The following CYP11A1 variants were observed in gnomAD, a reference collection of about 807,000 sequenced individuals.
CYP11A1 encodes the protein cholesterol side-chain cleavage enzyme, mitochondrial.
In CYP11A1, 25 loss-of-function variants were observed where a neutral mutation model predicts 51.9. That is an observed-to-expected ratio of 0.48 (90% CI 0.35 to 0.67). The LOEUF (loss-of-function observed/expected upper bound fraction) is 0.67. Among genes scored for constraint, CYP11A1 ranks in the 30% least tolerant of loss-of-function variants. The pLI is 0.00. For missense variants in CYP11A1, 578 were observed against 680.9 expected, an observed-to-expected ratio of 0.85 and a Z score of 1.68; for synonymous variants, 245 against 262.1, an observed-to-expected ratio of 0.93 and a Z score of 0.63.
intron 5 of CYP11A1, 84 bp downstream of exon 5, chr15:74,342,893 G>A: frequency 3.5e-6 from 5 of 1,427,482 alleles, no homozygotes; most frequent in Non-Finnish European, 4.9e-6. Context: ...TTGAACAACA[G>A]GGTTTCAGAC....
intron 1 of CYP11A1, among the ~76,000 whole-genome samples, chr15:74,348,775 C>T (rs997376394): frequency 3.9e-5 from 6 of 152,316 alleles, no homozygotes; most frequent in African/African-American, 1.2e-4. Context: ...CTCTGTTACC[C>T]AGGCTGGAGT....
At chr15:74,339,823 C>T in intron 5 of CYP11A1, 70 bp from the exon 6 acceptor site, 2 of 1,476,232 alleles carry the variant, frequency 1.4e-6, no homozygotes, top group Non-Finnish European at 1.9e-6. Flanking sequence ...GGTCCTTGAC[C>T]CCATGGTAAA....
In CYP11A1 at chr15:74,361,414, A is replaced by G; in HGVS notation, c.269+5903T>C. On this transcript the variant is annotated intron_variant, in intron 1 of 8. Coordinates refer to ENST00000268053, the MANE Select transcript of CYP11A1 (RefSeq NM_000781.3). Reference sequence around the variant, plus strand: ...TAAAGCTACTAACCCACGTAAAACAACAACAACAAAAAATTAATTACATAT... The same window carrying G: ...TAAAGCTACTAACCCACGTAAAACAGCAACAACAAAAAATTAATTACATAT... 3 of 315,102 alleles carry G rather than the reference A, an allele frequency of 9.5e-6. No homozygotes were observed. The South Asian group carries it at 1.1e-4, about 12-fold the overall frequency. 19.5% of individuals were successfully genotyped at this position (315,102 alleles called of 1,614,324 possible). A position where few individuals can be genotyped will look rare whatever the true frequency, so the allele number is the denominator to read the frequency against.
chr15:74,365,463 G>C (rs2060728021), intron 1 of CYP11A1: 1 of 160,628 alleles, frequency 6.2e-6, no homozygotes, highest in Admixed American at 6.5e-5. Flanking sequence ...CTGAGCCTCA[G>C]TCTCCTCCTC....
At chr15:74,351,926 T>C (rs1049590062) in intron 1 of CYP11A1, among the ~76,000 whole-genome samples, 3 of 152,216 alleles carry the variant, frequency 2.0e-5, no homozygotes, top group East Asian at 1.9e-4. Context: ...ACAGCCTTCA[T>C]TGGATTATCT....
At chr15:74,343,187 G>A (rs765022789) in intron 4 of CYP11A1, 50 bp from the exon 5 acceptor site, 1 of 1,599,566 alleles carries the variant, frequency 6.3e-7, no homozygotes, top group Non-Finnish European at 8.5e-7. Context: ...GCAGGCGGGT[G>A]GGAAGGAGGG....
chr15:74,345,390 G>C lies in CYP11A1; in HGVS notation c.426-147C>G. On this transcript the variant is annotated intron_variant, in intron 2 of 8. Transcript: ENST00000268053. This position sits in a 1 kb window ranked among gnomAD's most constrained non-coding sequence, Gnocchi z 4.3. ...CCAGGGCCTCTGCCCTCACCTCTCC[G>C]AGCACCCTCTGCCTCTCACCTCCTC... 1.3e-6 allele frequency: 1 copy of C among 783,380 alleles called. No individual in the cohort carries two copies. Among genetic ancestry groups the C allele is most frequent in the South Asian group, 1.5e-5 (1 of 64,852 alleles). 48.5% of individuals were successfully genotyped at this position (783,380 alleles called of 1,614,324 possible). A position where few individuals can be genotyped will look rare whatever the true frequency, so the allele number is the denominator to read the frequency against.
chr15:74,365,666 G>A, intron 1 of CYP11A1: 1 of 985,270 alleles, frequency 1.0e-6, no homozygotes, highest in Non-Finnish European at 1.2e-6. Flanking sequence ...TCCCAGGCCT[G>A]GAAGAAGATC....
At chr15:74,338,302 C>A in intron 8 of CYP11A1, 199 bp from the exon 9 acceptor site, 1 of 722,698 alleles carries the variant, frequency 1.4e-6, no homozygotes, top group Non-Finnish European at 2.4e-6. Flanking sequence ...AGGCCTAGAC[C>A]TTAACTTGTC....
At chr15:74,344,096 C>A (rs1336497432) in intron 3 of CYP11A1, 104 bp from the exon 4 acceptor site, 2 of 903,044 alleles carry the variant, frequency 2.2e-6, no homozygotes, top group East Asian at 2.5e-5. Context: ...CACAAAGGAT[C>A]TCTTGCCCCT....
At position 74,338,662 on chromosome 15, in the gene CYP11A1, G is replaced by T. The variant is rs778230506; in HGVS notation, c.1343C>A (p.Thr448Asn). ...GCCAAAGCCCAAGTTCCGGAAGTAGGTGATGTTCTTGTCTTTGCTCAGCCA... is the reference window on the plus strand; with the variant it reads ...GCCAAAGCCCAAGTTCCGGAAGTAGTTGATGTTCTTGTCTTTGCTCAGCCA... ...TRWLSKDKNITYFRNLGFGWG... is the reference protein window; with the variant it reads ...TRWLSKDKNINYFRNLGFGWG... Residue 448 changes from threonine to asparagine, a missense_variant, in exon 8 of 9, where the codon ACC (threonine) becomes AAC (asparagine). Transcript: ENST00000268053. The T allele has an allele frequency of 2.6e-4, 423 of 1,614,068 alleles. No homozygotes were observed. Among genetic ancestry groups the T allele is most frequent in the Non-Finnish European group, 3.4e-4 (401 of 1,180,020 alleles).
chr15:74,356,846 C>T (rs1489106833), intron 1 of CYP11A1, among the ~76,000 whole-genome samples: 3 of 152,130 alleles, frequency 2.0e-5, no homozygotes, highest in Non-Finnish European at 2.9e-5. Flanking sequence ...CTACTCCCTC[C>T]TTGGTGACTG....
At chr15:74,365,899 C>G (rs1337005840) in intron 1 of CYP11A1, 17 of 985,678 alleles carry the variant, frequency 1.7e-5, no homozygotes, top group Non-Finnish European at 2.0e-5. Context: ...AGCCAGTGCT[C>G]CAGCGCCCCC....
rs372603375 is a variant in CYP11A1 at position 74,339,319 on chromosome 15, C to T, written c.1158-4G>A. 6.7e-5 allele frequency: 108 copies of T among 1,613,726 alleles called. No homozygotes were observed. In the African/African-American group the frequency reaches 8.0e-4, roughly 12 times the overall value. On this transcript the variant is annotated splice_region_variant and splice_polypyrimidine_tract_variant and intron_variant, in intron 6 of 8. Coordinates refer to ENST00000268053, the MANE Select transcript of CYP11A1 (RefSeq NM_000781.3). ...GGTCACGGAGATGGGGTGAAGTCTGCGGGAGGAGGGCACTCAGAAGCTGAT... is the reference window on the plus strand; with the variant it reads ...GGTCACGGAGATGGGGTGAAGTCTGTGGGAGGAGGGCACTCAGAAGCTGAT...
At chr15:74,354,354 A>T (rs1473186384) in intron 1 of CYP11A1, 1 of 148,138 alleles carries the variant, frequency 6.8e-6, no homozygotes, top group East Asian at 2.0e-4. Flanking sequence ...CACCCCTGCC[A>T]GCCAAAAAAC....
chr15:74,342,099 T>C (rs966581915), intron 5 of CYP11A1, among the ~76,000 whole-genome samples: 1 of 152,200 alleles, frequency 6.6e-6, no homozygotes, highest in Non-Finnish European at 1.5e-5. Flanking sequence ...TGTATTCCTT[T>C]TGAGATGGAG....
At position 74,356,116 on chromosome 15, in the gene CYP11A1, C is replaced by T. The variant is rs183147389; in HGVS notation, c.270-8061G>A. ...CCTCTGCTGTGAGACAAAACCCAGCCGCATCTCCAGCATACAAGAACTTCA... is the reference window on the plus strand; with the variant it reads ...CCTCTGCTGTGAGACAAAACCCAGCTGCATCTCCAGCATACAAGAACTTCA... On this transcript the variant is annotated intron_variant, in intron 1 of 8. Transcript: ENST00000268053. Among the ~76,000 whole-genome samples, 69 of 152,352 alleles carry T rather than the reference C, an allele frequency of 4.5e-4. 1 individual carries two copies. Among genetic ancestry groups the T allele is most frequent in the South Asian group, 2.1e-3 (10 of 4,830 alleles).
intron 2 of CYP11A1, among the ~76,000 whole-genome samples, chr15:74,346,589 C>T (rs2060634235): frequency 3.3e-5 from 5 of 152,030 alleles, no homozygotes; most frequent in Admixed American, 3.3e-4. Flanking sequence ...TTCTACTACA[C>T]ATCCCCCAAA....
intron 8 of CYP11A1, 130 bp from the exon 9 acceptor site, chr15:74,338,233 C>G: frequency 9.4e-7 from 1 of 1,069,140 alleles, no homozygotes; most frequent in South Asian, 1.3e-5. Context: ...CCACCAGCTC[C>G]TGGTGTAACC....
Sources: gnomAD v4.1 joint callset for allele counts (sites outside exome capture counted in the v4.1 genomes callset) on GRCh38, gnomAD v4.1.1 for gene constraint, Gnocchi (gnomAD v3.1) non-coding constraint, MANE v1.5 for transcripts, NCBI Gene and HGNC (gene_info 2026-07-23, HGNC 2026-07-21) for gene names.